The following AZI2 variants were observed in gnomAD, a reference collection of about 807,000 sequenced individuals.
The protein encoded by AZI2 is 5-azacytidine-induced protein 2.
A neutral mutation model predicts 45.8 loss-of-function variants in AZI2; 22 were observed. The observed-to-expected ratio is 0.48, with a 90% CI of 0.34 to 0.69. The LOEUF is 0.69. AZI2 is among the 30% of genes least tolerant of loss of function. The pLI, the probability that AZI2 is intolerant of heterozygous loss-of-function variation, is 0.01. For missense variants in AZI2, 417 were observed against 441.5 expected (o/e 0.94, Z 0.50); for synonymous variants, 137 against 156.7 (o/e 0.87, Z 0.94).
At chr3:28,338,968 T>C (rs562407209) in intron 2 of AZI2, among the ~76,000 whole-genome samples, 1 of 152,174 alleles carries the variant, frequency 6.6e-6, no homozygotes, top group Non-Finnish European at 1.5e-5. Context: ...AAGCAGCACC[T>C]TAGGGCATAC....
chr3:28,347,513 T>G (rs1038632980), intron 1 of AZI2, among the ~76,000 whole-genome samples: 16 of 152,178 alleles, frequency 1.1e-4, no homozygotes, highest in Non-Finnish European at 2.2e-4. Context: ...GAAACTATGC[T>G]TTGGTGCCTT....
At position 28,324,022 on chromosome 3, in the gene AZI2, A is replaced by T. The variant is rs769915620; in HGVS notation, c.*20T>A. ...AAAGAGATAAGTGTCCTCATGGTGA[A>T]ATCGTGAATCTCTTCCAAATTAATT... is the stretch of plus-strand genomic sequence containing the variant. On this transcript the variant is annotated 3_prime_UTR_variant, in exon 8 of 8. Transcript: ENST00000479665. The T allele has an allele frequency of 1.6e-5, 25 of 1,580,306 alleles. No individual in the cohort carries two copies. Among genetic ancestry groups the T allele is most frequent in the Non-Finnish European group, 2.1e-5 (24 of 1,157,488 alleles).
intron 1 of AZI2, among the ~76,000 whole-genome samples, chr3:28,345,229 C>T (rs1704177364): frequency 6.6e-6 from 1 of 152,296 alleles, no homozygotes; most frequent in South Asian, 2.1e-4. Flanking sequence ...AACCACTCAT[C>T]AGAAAGAACA....
chr3:28,326,987 C>G lies in AZI2; in HGVS notation c.648-37G>C, dbSNP rs535049879. The G allele has an allele frequency of 1.5e-5, 21 of 1,398,284 alleles. No individual in the cohort carries two copies. In the East Asian group the frequency reaches 4.2e-4, roughly 28 times the overall value. 86.6% of individuals were successfully genotyped at this position (1,398,284 alleles called of 1,614,324 possible). ...TTTTTTACAAAAAGTTAATACTCAT[C>G]ATTCTTTTTTAGACAAAAGGGAATA... is the stretch of plus-strand genomic sequence containing the variant. On this transcript the variant is annotated intron_variant, in intron 6 of 7. Coordinates refer to ENST00000479665, the MANE Select transcript of AZI2 (RefSeq NM_022461.5).
At chr3:28,344,918 C>T (rs1704167622) in intron 1 of AZI2, among the ~76,000 whole-genome samples, 1 of 152,012 alleles carries the variant, frequency 6.6e-6, no homozygotes. Flanking sequence ...AAACACTGTC[C>T]AAAGACAAGC....
chr3:28,342,226 C>A (rs56116734), intron 1 of AZI2, among the ~76,000 whole-genome samples: 14,697 of 151,998 alleles, frequency 0.097, 1,328 homozygotes, highest in East Asian at 0.47. Context: ...CAATTTGTAT[C>A]TAGAATTATA....
At chr3:28,330,523 CA>C (rs754038219) in intron 6 of AZI2, among the ~76,000 whole-genome samples, 22 of 151,044 alleles carry the variant, frequency 1.5e-4, no homozygotes, top group Non-Finnish European at 1.8e-4. Context: ...CAAAGATTAA[CA>C]AAACACAAGA....
At chr3:28,332,780 T>C (rs1703637220) in intron 5 of AZI2, among the ~76,000 whole-genome samples, 1 of 151,808 alleles carries the variant, frequency 6.6e-6, no homozygotes, top group South Asian at 2.1e-4. Context: ...TGTTTACTTA[T>C]GGTATGGGTG....
rs1246370166 is a variant in AZI2, at chr3:28,322,341, A to G, written c.*1701T>C. 6.6e-6 allele frequency: 1 copy of G among 151,370 alleles called. No homozygotes were observed. The highest frequency in any genetic ancestry group is 6.6e-5 in the Admixed American group (1 of 15,130). 9.4% of individuals were successfully genotyped at this position (151,370 alleles called of 1,614,324 possible). A position where few individuals can be genotyped will look rare whatever the true frequency, so the allele number is the denominator to read the frequency against. On this transcript the variant is annotated 3_prime_UTR_variant, in exon 8 of 8. Transcript: ENST00000479665. ...TTTGAGATCTATAGGCAAGGACAAT[A>G]TTTCACATCCACTTCAATTTCAAAC...
chr3:28,336,785 C>G lies in AZI2; in HGVS notation c.540G>C (p.Arg180Ser), dbSNP rs1253457934. The stretch of plus-strand genomic sequence containing the variant: ...CTATTTTGAGATCGCTACATTCTTT[C>G]CTCATCAGTTCCAGCTCTTGTTCCA... ...HGLEQELELM[R>S]KECSDLKIEL... Residue 180 changes from arginine (R) to serine (S), a missense_variant, in exon 5 of 8, where the codon AGG (arginine) becomes AGC (serine). Physicochemically the swap from Arg to Ser is moderately radical, Grantham distance 110 (BLOSUM62 -1). Transcript: ENST00000479665. 6.2e-7 allele frequency: 1 copy of G among 1,613,426 alleles called. No individual in the cohort carries two copies. The highest frequency in any genetic ancestry group is 2.2e-5 in the East Asian group (1 of 44,806).
At chr3:28,346,319 T>G (rs1263140084) in intron 1 of AZI2, among the ~76,000 whole-genome samples, 1 of 152,116 alleles carries the variant, frequency 6.6e-6, no homozygotes, top group South Asian at 2.1e-4. Flanking sequence ...ACTACATCAC[T>G]AAGATGCCAC....
rs1559463864 is a variant in AZI2 at position 28,342,731 on chromosome 3, A to G, written c.-5-2109T>C. On this transcript the variant is annotated intron_variant, in intron 1 of 7. Coordinates refer to ENST00000479665, the MANE Select transcript of AZI2 (RefSeq NM_022461.5). ...CACATGCACACACACACACACACACACACACACACACACACACTCCCCTTA... is the reference window on the plus strand; with the variant it reads ...CACATGCACACACACACACACACACGCACACACACACACACACTCCCCTTA... Among the ~76,000 whole-genome samples, 10 of 151,790 alleles carry G rather than the reference A, an allele frequency of 6.6e-5. 1 individual carries two copies. The South Asian group carries it at 2.1e-3, about 32-fold the overall frequency.
In AZI2 at chr3:28,336,826, G is replaced by A. The variant is rs1051800950; in HGVS notation, c.499C>T (p.Leu167=). The change falls in exon 5 of 8, where the codon CTG becomes TTG. Residue 167 remains leucine (L), a synonymous_variant. Transcript: ENST00000479665. ...TCTTGTTCCAAACCATGGATCTTCA[G>A]GTCACAGCTCAACTTTTCCACCTCC... The part of the protein sequence containing the change: ...NWEVEKLSCD[L]KIHGLEQELE... 3 of 1,613,204 alleles carry A rather than the reference G, an allele frequency of 1.9e-6. No individual in the cohort carries two copies. The highest frequency in any genetic ancestry group is 2.5e-6 in the Non-Finnish European group (3 of 1,179,560).
chr3:28,336,153 T>C (rs937055792), intron 5 of AZI2, among the ~76,000 whole-genome samples: 2 of 152,054 alleles, frequency 1.3e-5, no homozygotes, highest in Non-Finnish European at 2.9e-5. Flanking sequence ...GTTTTAGTGG[T>C]TGACTTCAGG....
intron 5 of AZI2, among the ~76,000 whole-genome samples, chr3:28,335,380 G>C (rs944715088): frequency 3.3e-5 from 5 of 151,910 alleles, no homozygotes; most frequent in Admixed American, 3.3e-4. Flanking sequence ...TTTGAAAAGA[G>C]GCTTCTCAGT....
chr3:28,327,837 G>A (rs546078035), intron 6 of AZI2, among the ~76,000 whole-genome samples: 2 of 150,148 alleles, frequency 1.3e-5, no homozygotes, highest in South Asian at 4.2e-4. Context: ...TTAAATGTAA[G>A]ACTAAATCTT....
At position 28,332,838 on chromosome 3, in the gene AZI2, C is replaced by T. The variant is rs540221701; in HGVS notation, c.589-411G>A. Among the ~76,000 whole-genome samples, 4 of 151,664 alleles carry T rather than the reference C, an allele frequency of 2.6e-5. No homozygotes were observed. In the East Asian group the frequency reaches 7.8e-4, roughly 29 times the overall value. On this transcript the variant is annotated intron_variant, in intron 5 of 7. Transcript: ENST00000479665. ...AAGTTTTTTTGGTATTTCACTTTTT[C>T]GTAGTATTACCAAAAACACACCAGA...
At chr3:28,339,329 C>T (rs1703921346) in intron 2 of AZI2, among the ~76,000 whole-genome samples, 1 of 151,994 alleles carries the variant, frequency 6.6e-6, no homozygotes, top group African/African-American at 2.4e-5. Context: ...TTTGTTAAAT[C>T]CTTTATATTA....
chr3:28,341,867 C>T (rs1447751395), intron 1 of AZI2, among the ~76,000 whole-genome samples: 1 of 152,084 alleles, frequency 6.6e-6, no homozygotes, highest in Non-Finnish European at 1.5e-5. Flanking sequence ...ATATCAGTCA[C>T]TGTTCAAGAA....
Sources: gnomAD v4.1 joint callset for allele counts (sites outside exome capture counted in the v4.1 genomes callset) on GRCh38, gnomAD v4.1.1 for gene constraint, MANE v1.5 for transcripts, NCBI Gene and HGNC (gene_info 2026-07-23, HGNC 2026-07-21) for gene names.